The following PAIP1 variants were observed in gnomAD, a reference collection of about 807,000 sequenced individuals.
PAIP1 encodes poly(A) binding protein interacting protein 1.
In PAIP1, 16 loss-of-function variants were observed where a neutral mutation model predicts 61.3. The observed-to-expected ratio is 0.26, with a 90% CI of 0.18 to 0.40. PAIP1 has a LOEUF of 0.40. Ranked by LOEUF, PAIP1 falls within the 10% of genes least tolerant of loss-of-function variation. PAIP1 has a pLI of 1.00. For missense variants in PAIP1, 416 were observed against 600.9 expected (o/e 0.69, Z 3.22); for synonymous variants, 187 against 226.2 (o/e 0.83, Z 1.56).
intron 2 of PAIP1, among the ~76,000 whole-genome samples, chr5:43,552,706 G>C (rs184421419): frequency 1.4e-3 from 207 of 152,162 alleles, no homozygotes; most frequent in African/African-American, 4.7e-3. Context: ...TACTCAGAGA[G>C]AAAAAAGAAC....
chr5:43,544,145 T>TC, intron 3 of PAIP1, among the ~76,000 whole-genome samples: 1 of 99,476 alleles, frequency 1.0e-5, no homozygotes, highest in South Asian at 4.1e-4. Context: ...CCCCATCTTT[T>TC]TAAAAAAAAA....
intron 5 of PAIP1, among the ~76,000 whole-genome samples, chr5:43,537,274 T>C (rs1207077891): frequency 1.3e-5 from 2 of 152,226 alleles, no homozygotes; most frequent in East Asian, 3.8e-4. Context: ...TTTTAAAATA[T>C]TTTAAAATAT....
chr5:43,554,315 T>C (rs1747980793), intron 2 of PAIP1, among the ~76,000 whole-genome samples: 1 of 151,840 alleles, frequency 6.6e-6, no homozygotes, highest in African/African-American at 2.4e-5. Flanking sequence ...TCCTTAAGAG[T>C]TTATTCAACC....
At chr5:43,545,081 C>T (rs1255671757) in intron 3 of PAIP1, among the ~76,000 whole-genome samples, 1 of 152,164 alleles carries the variant, frequency 6.6e-6, no homozygotes, top group Non-Finnish European at 1.5e-5. Flanking sequence ...TTTACTTTTG[C>T]ACAACTTTGT....
intron 3 of PAIP1, among the ~76,000 whole-genome samples, chr5:43,547,071 C>T (rs1212023996): frequency 2.1e-5 from 1 of 47,908 alleles, no homozygotes; most frequent in African/African-American, 9.3e-5. Context: ...AAAAAAAAAG[C>T]GTTAATATGT....
Position 43,543,058 on chromosome 5 carries a change from T to C in PAIP1, c.680A>G (p.His227Arg). 6.2e-7 allele frequency: 1 copy of C among 1,611,160 alleles called. No homozygotes were observed. Among genetic ancestry groups the C allele is most frequent in the Non-Finnish European group, 8.5e-7 (1 of 1,177,500 alleles). Residue 227 changes from histidine (H) to arginine (R), a missense_variant, in exon 4 of 11, where the codon CAT (histidine) becomes CGT (arginine). His to Arg is a conservative substitution (Grantham distance 29, BLOSUM62 0). Transcript: ENST00000306846. ...ACTCTGTGGGCTAATTGTCAGATGA[T>C]GGGACAGGTAATTACACAGGCGAGC... ...MGARLCNYLS[H>R]HLTISPQSGN...
intron 9 of PAIP1, among the ~76,000 whole-genome samples, chr5:43,531,656 C>CAAAAAAAAAAAAAATAAAAAAAA (rs1746937595): frequency 1.7e-5 from 1 of 59,868 alleles, no homozygotes; most frequent in Non-Finnish European, 3.4e-5. Flanking sequence ...GACTCTGTCT[C>CAAAAAAAAAAAAAATAAAAAAAA]AAAAAAAAAA....
chr5:43,545,156 T>C (rs994582309), intron 3 of PAIP1, among the ~76,000 whole-genome samples: 4 of 152,380 alleles, frequency 2.6e-5, no homozygotes, highest in Non-Finnish European at 5.9e-5. Context: ...CTAAACTCAC[T>C]ACTCTGTAAA....
chr5:43,546,449 C>T (rs1747637900), intron 3 of PAIP1, among the ~76,000 whole-genome samples: 1 of 152,170 alleles, frequency 6.6e-6, no homozygotes, highest in African/African-American at 2.4e-5. Flanking sequence ...TTCTGTCTTC[C>T]TAACATCTCA....
chr5:43,546,568 T>C (rs1317042949), intron 3 of PAIP1, among the ~76,000 whole-genome samples: 1 of 152,194 alleles, frequency 6.6e-6, no homozygotes, highest in Non-Finnish European at 1.5e-5. Flanking sequence ...AAATAATCAT[T>C]AATTTGCATT....
rs551628544 is a variant in PAIP1 at position 43,542,662 on chromosome 5, T to G, written c.734+342A>C. ...CCAAATAATGCAAGTGTGATAAAAG[T>G]GGCAATTCAAATCAATAAGGAAAAA... On this transcript the variant is annotated intron_variant, in intron 4 of 10. Coordinates refer to ENST00000306846, the MANE Select transcript of PAIP1 (RefSeq NM_006451.5). 3.2e-4 allele frequency among the ~76,000 whole-genome samples: 49 copies of G among 152,124 alleles called. No homozygotes were observed. The South Asian group carries it at 0.01, about 32-fold the overall frequency.
At chr5:43,546,055 G>A (rs1747622317) in intron 3 of PAIP1, among the ~76,000 whole-genome samples, 1 of 152,178 alleles carries the variant, frequency 6.6e-6, no homozygotes, top group South Asian at 2.1e-4. Flanking sequence ...TTACAGACAT[G>A]AGCCACTGCG....
chr5:43,554,621 T>C (rs1219952522), intron 2 of PAIP1, among the ~76,000 whole-genome samples: 4 of 152,108 alleles, frequency 2.6e-5, no homozygotes, highest in Non-Finnish European at 1.5e-5. Context: ...TTATCAGTTA[T>C]AAGGGAAATA....
Position 43,536,857 on chromosome 5 carries a change from T to C in PAIP1, c.934A>G (p.Met312Val), listed in dbSNP as rs1444109582. The C allele has an allele frequency of 2.6e-6, 4 of 1,555,054 alleles. No homozygotes were observed. The highest frequency in any genetic ancestry group is 3.5e-6 in the Non-Finnish European group (4 of 1,136,930). The stretch of plus-strand genomic sequence containing the variant: ...ACTGCACAAATTAAATTGTCATCCA[T>C]AGGATTAGAAAACAGGGCATTCAGC... Reference protein sequence around the residue: ...ELLNALFSNPMDDNLICAVKL... With the variant: ...ELLNALFSNPVDDNLICAVKL... Residue 312 changes from methionine (M) to valine (V), a missense_variant, in exon 6 of 11, where the codon ATG (methionine) becomes GTG (valine). Coordinates refer to ENST00000306846, the MANE Select transcript of PAIP1 (RefSeq NM_006451.5).
intron 9 of PAIP1, among the ~76,000 whole-genome samples, chr5:43,530,259 A>G (rs779907357): frequency 5.9e-5 from 9 of 152,350 alleles, no homozygotes; most frequent in Non-Finnish European, 7.3e-5. Context: ...CCTCAGATGA[A>G]GTTAACCTAC....
At chr5:43,545,632 C>G (rs191057893) in intron 3 of PAIP1, among the ~76,000 whole-genome samples, 457 of 152,274 alleles carry the variant, frequency 3.0e-3, no homozygotes, top group Non-Finnish European at 4.8e-3. Flanking sequence ...TACCACTCAC[C>G]CACCTGCTTT....
chr5:43,538,891 T>C (rs766083872), intron 5 of PAIP1, 33 bp downstream of exon 5: 1 of 1,061,054 alleles, frequency 9.4e-7, no homozygotes. Flanking sequence ...TTCTCAGGCC[T>C]TGTTAGTACT....
rs185730198 is a variant in PAIP1 at position 43,532,273 on chromosome 5, C to A, written c.1252+1465G>T. ...GAAAGATTTGTCTTACCAGACATAG[C>A]AAGATTCACAGTAAGGTAAAAATAA... is the stretch of plus-strand genomic sequence containing the variant. On this transcript the variant is annotated intron_variant, in intron 9 of 10. Transcript: ENST00000306846. 1.5e-3 allele frequency among the ~76,000 whole-genome samples: 225 copies of A among 152,022 alleles called. 1 individual carries two copies. The highest frequency in any genetic ancestry group is 5.0e-3 in the African/African-American group (208 of 41,492).
In PAIP1 at chr5:43,556,858, T is replaced by TCCG. The variant is rs2111618642; in HGVS notation, c.-15_-13dup. The TCCG allele has an allele frequency of 7.1e-7, 1 of 1,407,104 alleles. No homozygotes were observed. Among genetic ancestry groups the TCCG allele is most frequent in the East Asian group, 3.1e-5 (1 of 32,582 alleles). The allele number at this position is 1,407,104 out of a possible 1,614,324, so 87.2% of individuals were successfully genotyped here. On this transcript the variant is annotated 5_prime_UTR_variant, in exon 1 of 11. Transcript: ENST00000306846. Reference sequence around the variant, plus strand: ...AAACCGTCCGACATGCTCCTCCTCCTCCGCCTCCTCCTCCAGGGGCCGCTG... The same window carrying TCCG: ...AAACCGTCCGACATGCTCCTCCTCCTCCGCCGCCTCCTCCTCCAGGGGCCGCTG...
Sources: allele counts gnomAD v4.1 joint callset (sites outside exome capture counted in the v4.1 genomes callset), GRCh38; gene constraint gnomAD v4.1.1; transcripts MANE v1.5; gene names NCBI Gene and HGNC (gene_info 2026-07-23, HGNC 2026-07-21).